The following MATCAP2 variants were observed in gnomAD, a reference collection of about 807,000 sequenced individuals.
The protein encoded by MATCAP2 is microtubule associated tyrosine carboxypeptidase 2.
At chr7:36,357,284 C>G in the MATCAP2 span, 1 of 1,614,194 alleles carries the variant, frequency 6.2e-7, no homozygotes, top group Non-Finnish European at 8.5e-7. Flanking sequence ...GTACCAAGTA[C>G]CACTGCTTGT....
the MATCAP2 span, among the ~76,000 whole-genome samples, chr7:36,345,674 T>C: frequency 6.6e-6 from 1 of 152,192 alleles, no homozygotes; most frequent in Non-Finnish European, 1.5e-5. Context: ...GAGTTGGACC[T>C]CTATCCCATA....
At chr7:36,389,047 C>G in the MATCAP2 span, among the ~76,000 whole-genome samples, 5 of 152,242 alleles carry the variant, frequency 3.3e-5, no homozygotes, top group East Asian at 7.7e-4. Flanking sequence ...TGAAGGCCAA[C>G]GGGCTAGCAG....
the MATCAP2 span, among the ~76,000 whole-genome samples, chr7:36,379,813 T>TACACACAC: frequency 6.4e-5 from 8 of 124,310 alleles, no homozygotes; most frequent in African/African-American, 2.2e-4. Context: ...CAATGGTAAG[T>TACACACAC]ACACACACAC....
chr7:36,329,185 A>G, the MATCAP2 span, among the ~76,000 whole-genome samples: 1 of 152,180 alleles, frequency 6.6e-6, no homozygotes, highest in Admixed American at 6.5e-5. Context: ...GTTTGTTGAT[A>G]TTGGTATGGT....
the MATCAP2 span, among the ~76,000 whole-genome samples, chr7:36,342,357 T>C: frequency 2.0e-5 from 3 of 151,982 alleles, no homozygotes; most frequent in African/African-American, 7.2e-5. Context: ...TTTTTGTATT[T>C]TTAATAGAGA....
At chr7:36,367,186 G>T in the MATCAP2 span, 12 of 1,191,814 alleles carry the variant, frequency 1.0e-5, no homozygotes, top group Non-Finnish European at 1.2e-5. Flanking sequence ...ACGGTGCCCA[G>T]CAGCGCTTAG....
At chr7:36,375,958 A>G in the MATCAP2 span, among the ~76,000 whole-genome samples, 2 of 152,004 alleles carry the variant, frequency 1.3e-5, no homozygotes, top group East Asian at 3.9e-4. Flanking sequence ...TTTTTATTGC[A>G]TCTATTTGAT....
the MATCAP2 span, chr7:36,368,498 A>G: frequency 6.6e-6 from 1 of 152,226 alleles, no homozygotes; most frequent in Non-Finnish European, 1.5e-5. Flanking sequence ...AAATACATCC[A>G]GAATCTAGCC....
At chr7:36,379,056 G>A in the MATCAP2 span, among the ~76,000 whole-genome samples, 1 of 152,348 alleles carries the variant, frequency 6.6e-6, no homozygotes, top group South Asian at 2.1e-4. Context: ...TGCACTTCCT[G>A]GGTGAGGTGA....
chr7:36,345,466 G>GT, the MATCAP2 span, among the ~76,000 whole-genome samples: 25,789 of 152,062 alleles, frequency 0.17, 2,408 homozygotes, highest in African/African-American at 0.2. Flanking sequence ...AGCAAAATGA[G>GT]TAATTGTTCT....
chr7:36,382,654 G>A, the MATCAP2 span, among the ~76,000 whole-genome samples: 302 of 152,138 alleles, frequency 2.0e-3, 1 homozygote, highest in African/African-American at 6.9e-3. Flanking sequence ...CACCAGGCCC[G>A]GCTAATTTTT....
chr7:36,329,666 ATAAAAGAAT>A, the MATCAP2 span, among the ~76,000 whole-genome samples: 3 of 152,360 alleles, frequency 2.0e-5, no homozygotes, highest in East Asian at 5.8e-4. Flanking sequence ...ACAAAGAAAT[ATAAAAGAAT>A]TAGAAGATCT....
chr7:36,366,774 C>T, the MATCAP2 span: 5 of 1,534,892 alleles, frequency 3.3e-6, no homozygotes, highest in East Asian at 1.2e-4. Flanking sequence ...CGAGCGCCTC[C>T]TGCGCGCCCC....
chr7:36,332,582 T>A, the MATCAP2 span, among the ~76,000 whole-genome samples: 1 of 152,218 alleles, frequency 6.6e-6, no homozygotes. Flanking sequence ...GCTAGCAACA[T>A]AACCATCACT....
chr7:36,334,977 C>G, the MATCAP2 span: 1 of 1,455,542 alleles, frequency 6.9e-7, no homozygotes, highest in African/African-American at 1.4e-5. Flanking sequence ...AAAACCCCTT[C>G]TAAAAGAACA....
the MATCAP2 span, among the ~76,000 whole-genome samples, chr7:36,358,756 T>C: frequency 6.6e-6 from 1 of 152,236 alleles, no homozygotes. Flanking sequence ...TTCTTACCTA[T>C]AACCAGCTTC....
chr7:36,355,937 A>G, the MATCAP2 span: 1 of 152,254 alleles, frequency 6.6e-6, no homozygotes, highest in African/African-American at 2.4e-5. Context: ...GTAAAACACA[A>G]AACTGCTAAG....
the MATCAP2 span, among the ~76,000 whole-genome samples, chr7:36,329,043 C>CA: frequency 6.6e-6 from 1 of 151,262 alleles, no homozygotes; most frequent in African/African-American, 2.4e-5. Flanking sequence ...AACTCCGTAT[C>CA]AAAAAAATAA....
chr7:36,383,839 TG>T, the MATCAP2 span: 1 of 1,516,964 alleles, frequency 6.6e-7, no homozygotes, highest in Non-Finnish European at 9.1e-7. Context: ...GTAAAAGAAG[TG>T]GCCCTTCAGC....
Sources: allele counts gnomAD v4.1 joint callset (sites outside exome capture counted in the v4.1 genomes callset), GRCh38; gene constraint gnomAD v4.1.1; transcripts MANE v1.5; gene names NCBI Gene and HGNC (gene_info 2026-07-23, HGNC 2026-07-21).